DTNB: variants seen among roughly 807,000 people sequenced by gnomAD.
The protein encoded by DTNB is dystrobrevin beta, also known as DTN-B.
Under a neutral mutation model 90.7 loss-of-function variants are expected in DTNB, and 63 were observed. The ratio of observed to expected loss-of-function variants is 0.69; its 90% CI spans 0.57 to 0.86. The LOEUF (loss-of-function observed/expected upper bound fraction) is 0.86, where lower values mean the gene tolerates loss of function less well. Ranked by LOEUF, DTNB falls within the 40% of genes least tolerant of loss-of-function variation. The probability of loss-of-function intolerance (pLI) is 0.00; values close to 1 mark genes in which losing one functional copy is unlikely to be tolerated. For missense variants in DTNB, 744 were observed against 807.1 expected (o/e 0.92, Z 0.95); for synonymous variants, 277 against 286.7 (o/e 0.97, Z 0.34).
At chr2:25,668,157 T>A (rs1219169851) in intron 1 of DTNB, among the ~76,000 whole-genome samples, 2 of 152,058 alleles carry the variant, frequency 1.3e-5, no homozygotes, top group African/African-American at 4.8e-5. Context: ...GAGAATGGTG[T>A]GAATCCGGGA....
chr2:25,626,153 T>G (rs2074108269), intron 4 of DTNB, among the ~76,000 whole-genome samples: 1 of 152,176 alleles, frequency 6.6e-6, no homozygotes, highest in Non-Finnish European at 1.5e-5. Context: ...TTACTTGACA[T>G]GATTATGGAA....
Position 25,580,119 on chromosome 2 carries a change from T to C in DTNB, c.709+602A>G, listed in dbSNP as rs962989890. Among the ~76,000 whole-genome samples, 4 of 151,730 alleles carry C rather than the reference T, an allele frequency of 2.6e-5. No individual in the cohort carries two copies. In the East Asian group the frequency reaches 5.9e-4, roughly 22 times the overall value. Reference sequence around the variant, plus strand: ...GCCTCAGCCTCCCAAGTAGCTGGGATTGCAGGCACCCACAACCACGCCCAG... The same window carrying C: ...GCCTCAGCCTCCCAAGTAGCTGGGACTGCAGGCACCCACAACCACGCCCAG... On this transcript the variant is annotated intron_variant, in intron 7 of 20. Coordinates refer to ENST00000406818, the MANE Select transcript of DTNB (RefSeq NM_021907.5).
At chr2:25,495,584 T>C (rs1229730306) in intron 9 of DTNB, among the ~76,000 whole-genome samples, 1 of 152,220 alleles carries the variant, frequency 6.6e-6, no homozygotes, top group Non-Finnish European at 1.5e-5. Flanking sequence ...AAAAGCCCTT[T>C]CATTGCAATG....
chr2:25,498,910 A>C (rs926727279), intron 9 of DTNB, among the ~76,000 whole-genome samples: 24 of 151,156 alleles, frequency 1.6e-4, no homozygotes, highest in African/African-American at 5.8e-4. Context: ...GAAATACCAT[A>C]ATTTTATAAT....
At chr2:25,565,000 GTTT>G (rs1298796387) in intron 8 of DTNB, among the ~76,000 whole-genome samples, 3 of 152,038 alleles carry the variant, frequency 2.0e-5, no homozygotes, top group African/African-American at 7.2e-5. Context: ...ATCTATAATG[GTTT>G]TTTGTGTGTG....
intron 16 of DTNB, among the ~76,000 whole-genome samples, chr2:25,394,324 A>G (rs999415381): frequency 1.3e-5 from 2 of 152,238 alleles, no homozygotes; most frequent in Non-Finnish European, 2.9e-5. Flanking sequence ...CCTTCTAGAC[A>G]TTGGCTTAGG....
At chr2:25,558,155 A>T in intron 8 of DTNB, 1 of 967,444 alleles carries the variant, frequency 1.0e-6, no homozygotes, top group Non-Finnish European at 1.2e-6. Flanking sequence ...ATAGCTAGAC[A>T]TTTCGTAGTC....
intron 9 of DTNB, among the ~76,000 whole-genome samples, chr2:25,522,214 T>C (rs1341520979): frequency 2.0e-5 from 3 of 152,192 alleles, no homozygotes; most frequent in African/African-American, 7.2e-5. Flanking sequence ...TGAATACACG[T>C]CTTGCAATTT....
At chr2:25,636,204 ACT>A (rs2077093465) in intron 3 of DTNB, among the ~76,000 whole-genome samples, 1 of 152,102 alleles carries the variant, frequency 6.6e-6, no homozygotes, top group Non-Finnish European at 1.5e-5. Context: ...GCATGAGAAG[ACT>A]CTTCAGCATT....
chr2:25,491,123 G>A (rs603221), intron 9 of DTNB, among the ~76,000 whole-genome samples: 149,384 of 151,606 alleles, frequency 0.99, 73,637 homozygotes, highest in East Asian at 1. Context: ...ACTGAGAAGG[G>A]AAGTGTTATA....
At chr2:25,478,293 G>A (rs2064148499) in intron 10 of DTNB, among the ~76,000 whole-genome samples, 1 of 152,178 alleles carries the variant, frequency 6.6e-6, no homozygotes, top group South Asian at 2.1e-4. Flanking sequence ...GGATACCCTG[G>A]ACCTCGTCCC....
chr2:25,616,942 AAAAAAAAAAAGG>A (rs1472828954), intron 4 of DTNB, among the ~76,000 whole-genome samples: 17 of 138,012 alleles, frequency 1.2e-4, no homozygotes, highest in Admixed American at 7.4e-4. Context: ...AAAAAAAAAA[AAAAAAAAAAAGG>A]AAAAAAAAGA....
intron 3 of DTNB, among the ~76,000 whole-genome samples, chr2:25,638,563 G>GAC (rs560544879): frequency 1.3e-5 from 2 of 152,050 alleles, no homozygotes; most frequent in Non-Finnish European, 1.5e-5. Context: ...CATATATACA[G>GAC]ACACACACAC....
At chr2:25,511,616 G>A (rs1306493723) in intron 9 of DTNB, among the ~76,000 whole-genome samples, 1 of 152,172 alleles carries the variant, frequency 6.6e-6, no homozygotes, top group African/African-American at 2.4e-5. Context: ...AGAGGCGTGA[G>A]CCACCGCGCC....
intron 16 of DTNB, among the ~76,000 whole-genome samples, chr2:25,397,926 A>G (rs1381079084): frequency 6.7e-6 from 1 of 150,206 alleles, no homozygotes; most frequent in Non-Finnish European, 1.5e-5. Flanking sequence ...ATGCTAACAC[A>G]CTTCACTGTA....
intron 8 of DTNB, among the ~76,000 whole-genome samples, chr2:25,536,655 T>C (rs1160915460): frequency 6.6e-6 from 1 of 151,882 alleles, no homozygotes; most frequent in African/African-American, 2.4e-5. Context: ...CGAGCCGAGA[T>C]CATGGCAGTA....
At position 25,417,990 on chromosome 2, in the gene DTNB, C is replaced by T. The variant is rs78090087; in HGVS notation, c.1575+1525G>A. Reference sequence around the variant, plus strand: ...CCAATGAAATGGAGAGGAAGTGATGCGTGTCACTTCCTGGAAGAAGCATGT... The same window carrying T: ...CCAATGAAATGGAGAGGAAGTGATGTGTGTCACTTCCTGGAAGAAGCATGT... On this transcript the variant is annotated intron_variant, in intron 16 of 20. Coordinates refer to ENST00000406818, the MANE Select transcript of DTNB (RefSeq NM_021907.5). 9.2e-5 allele frequency among the ~76,000 whole-genome samples: 14 copies of T among 152,252 alleles called. No homozygotes were observed. The East Asian group carries it at 1.3e-3, about 15-fold the overall frequency.
Position 25,580,714 on chromosome 2 carries a change from T to C in DTNB, c.709+7A>G, listed in dbSNP as rs1270989311. 1.2e-6 allele frequency: 2 copies of C among 1,612,186 alleles called. No homozygotes were observed. The highest frequency in any genetic ancestry group is 8.5e-7 in the Non-Finnish European group (1 of 1,178,344). Reference sequence around the variant, plus strand: ...ATGCGGAATTGAACAATAAAAGTTCTGCTTACCATTCTCAACATGGGCAAG... The same window carrying C: ...ATGCGGAATTGAACAATAAAAGTTCCGCTTACCATTCTCAACATGGGCAAG... On this transcript the variant is annotated splice_region_variant and intron_variant, in intron 7 of 20. Transcript: ENST00000406818.
intron 12 of DTNB, among the ~76,000 whole-genome samples, chr2:25,448,282 T>C (rs181644802): frequency 4.6e-5 from 7 of 152,310 alleles, no homozygotes. Flanking sequence ...TAGTATCCAA[T>C]CTGGCACAGT....
Sources: gnomAD v4.1 joint callset for allele counts (sites outside exome capture counted in the v4.1 genomes callset) on GRCh38, gnomAD v4.1.1 for gene constraint, MANE v1.5 for transcripts, NCBI Gene and HGNC (gene_info 2026-07-23, HGNC 2026-07-21) for gene names.